The following CCDC40 variants were observed in gnomAD, a reference collection of about 807,000 sequenced individuals.
CCDC40 encodes coiled-coil domain-containing protein 40.
Under a neutral mutation model 124.5 loss-of-function variants are expected in CCDC40, and 104 were observed. The observed-to-expected ratio is 0.84, with a 90% CI of 0.71 to 0.98. CCDC40 has a LOEUF of 0.98. Among genes scored for constraint, CCDC40 ranks in the 50% least tolerant of loss-of-function variants. The pLI, the probability that CCDC40 is intolerant of heterozygous loss-of-function variation, is 0.00. For missense variants in CCDC40, 1,463 were observed against 1,503.9 expected, an observed-to-expected ratio of 0.97 and a Z score of 0.45; for synonymous variants, 580 against 602.9, an observed-to-expected ratio of 0.96 and a Z score of 0.56.
chr17:80,037,741 G>A (rs1295830646), intron 1 of CCDC40, among the ~76,000 whole-genome samples: 1 of 128,082 alleles, frequency 7.8e-6, no homozygotes, highest in Non-Finnish European at 1.7e-5. Context: ...CGTAAATCGT[G>A]GAGAAACTCA....
In CCDC40 at chr17:80,058,221, G is replaced by A. The variant is rs1252249037; in HGVS notation, c.1160-273G>A. ...CAGTGTATCCTTAGACTACCAGGAG[G>A]ATCTCTGAGACTTGGTGGGGAATGG... On this transcript the variant is annotated intron_variant, in intron 7 of 19. Coordinates refer to ENST00000397545, the MANE Select transcript of CCDC40 (RefSeq NM_017950.4). This position sits in a 1 kb window ranked among gnomAD's most constrained non-coding sequence, Gnocchi z 4.2. Among the ~76,000 whole-genome samples the A allele has an allele frequency of 2.0e-5, 3 of 152,200 alleles. No individual in the cohort carries two copies. Among genetic ancestry groups the A allele is most frequent in the African/African-American group, 7.2e-5 (3 of 41,452 alleles).
At chr17:80,060,932 G>A (rs1276047731) in intron 9 of CCDC40, among the ~76,000 whole-genome samples, 1 of 152,148 alleles carries the variant, frequency 6.6e-6, no homozygotes, top group Non-Finnish European at 1.5e-5. Flanking sequence ...AATTCCAGAT[G>A]GAATCAAGTA....
At chr17:80,044,652 C>T (rs1469081839) in intron 3 of CCDC40, among the ~76,000 whole-genome samples, 3 of 150,030 alleles carry the variant, frequency 2.0e-5, no homozygotes, top group Admixed American at 6.6e-5. Flanking sequence ...CACTGCACTC[C>T]AGCCTGGGAG....
chr17:80,048,896 T>C (rs2037502805), intron 5 of CCDC40, 135 bp downstream of exon 5: 2 of 834,326 alleles, frequency 2.4e-6, no homozygotes, highest in African/African-American at 1.7e-5. Flanking sequence ...CTGCACCGTT[T>C]ATTGGCACTG....
intron 12 of CCDC40, among the ~76,000 whole-genome samples, chr17:80,083,777 G>A (rs533828844): frequency 2.1e-4 from 32 of 152,338 alleles, no homozygotes; most frequent in Admixed American, 5.9e-4. Context: ...CAGCACTGGC[G>A]GCTCAGACCT....
chr17:80,069,269 C>T (rs1194020738), intron 10 of CCDC40, among the ~76,000 whole-genome samples: 1 of 152,024 alleles, frequency 6.6e-6, no homozygotes, highest in Non-Finnish European at 1.5e-5. Context: ...GTGGGGGGGG[C>T]GGTAACCATA....
At chr17:80,056,589 G>A (rs2037754947) in intron 7 of CCDC40, among the ~76,000 whole-genome samples, 1 of 152,160 alleles carries the variant, frequency 6.6e-6, no homozygotes, top group East Asian at 1.9e-4. Context: ...ACTCCAGCCT[G>A]GGTGACAAAG....
In CCDC40 at chr17:80,086,116, G is replaced by A. The variant is rs1278688393; in HGVS notation, c.2349G>A (p.Glu783=). Residue 783 remains glutamate (E), a synonymous_variant, in exon 14 of 20, where the codon GAG becomes GAA. Transcript: ENST00000397545. This position sits in a 1 kb window ranked among gnomAD's most constrained non-coding sequence, Gnocchi z 5.5. Reference sequence around the variant, plus strand: ...TGACCTGGCTGCGCCTGCAGCAGGAGATGGTCAAGGTGACACAGGAGCAGG... The same window carrying A: ...TGACCTGGCTGCGCCTGCAGCAGGAAATGGTCAAGGTGACACAGGAGCAGG... ...AQVTWLRLQQ[E]MVKVTQEQEE... The A allele has an allele frequency of 3.7e-6, 6 of 1,614,166 alleles. No homozygotes were observed. Among genetic ancestry groups the A allele is most frequent in the Middle Eastern group, 1.7e-4 (1 of 6,052 alleles).
intron 12 of CCDC40, among the ~76,000 whole-genome samples, chr17:80,084,189 C>T (rs2038523970): frequency 6.7e-6 from 1 of 148,730 alleles, no homozygotes; most frequent in Non-Finnish European, 1.5e-5. Context: ...GACTGGATAA[C>T]TGATAAAGGA....
At chr17:80,090,847 T>C in intron 17 of CCDC40, 3 of 1,148,842 alleles carry the variant, frequency 2.6e-6, no homozygotes. Flanking sequence ...CTGAGTTATT[T>C]TTCAGATCAA....
intron 9 of CCDC40, among the ~76,000 whole-genome samples, chr17:80,064,380 C>G (rs924210054): frequency 6.7e-6 from 1 of 149,928 alleles, no homozygotes; most frequent in Non-Finnish European, 1.5e-5. Flanking sequence ...TTGCTCAAGT[C>G]ACAGTGCTTG....
Position 80,050,149 on chromosome 17 carries a change from A to G in CCDC40, c.1025A>G (p.Gln342Arg), listed in dbSNP as rs201057426. 244 of 1,613,650 alleles carry G rather than the reference A, an allele frequency of 1.5e-4. No homozygotes were observed. The highest frequency in any genetic ancestry group is 2.0e-4 in the Non-Finnish European group (233 of 1,180,012). ...GTGCAGCAGCACCTGGTACACCTGC[A>G]GAAGCTGCTGGAGAAGAGTCACGAC... is the stretch of plus-strand genomic sequence containing the variant. ...YEVQQHLVHL[Q>R]KLLEKSHDRH... The change falls in exon 7 of 20, where the codon CAG (glutamine) becomes CGG (arginine). Residue 342 changes from glutamine (Q) to arginine (R), a missense_variant. Physicochemically the swap from Gln to Arg is conservative, Grantham distance 43. Coordinates refer to ENST00000397545, the MANE Select transcript of CCDC40 (RefSeq NM_017950.4).
intron 7 of CCDC40, among the ~76,000 whole-genome samples, chr17:80,054,979 A>T (rs541072321): frequency 1.7e-4 from 26 of 152,212 alleles, no homozygotes; most frequent in East Asian, 5.8e-4. Flanking sequence ...TGTCTCAAAA[A>T]AAAAAAATAA....
chr17:80,090,844 A>T, intron 17 of CCDC40: 1 of 1,150,034 alleles, frequency 8.7e-7, no homozygotes, highest in African/African-American at 1.6e-5. Flanking sequence ...CTGCTGAGTT[A>T]TTTTTCAGAT....
Position 80,038,173 on chromosome 17 carries a change from A to T in CCDC40, c.80A>T (p.Asn27Ile). ...SASEGEKEGN[N>I]ESHMVSPPEK... ...TCTGAGGGAGAGAAGGAAGGGAATA[A>T]TGAAAGCCACATGGTAAAATTCCCT... is the stretch of plus-strand genomic sequence containing the variant. The change falls in exon 2 of 20, where the codon AAT (asparagine) becomes ATT (isoleucine). Residue 27 changes from asparagine (N) to isoleucine (I), a missense_variant. Transcript: ENST00000397545. 6.2e-7 allele frequency: 1 copy of T among 1,606,256 alleles called. No homozygotes were observed. The highest frequency in any genetic ancestry group is 1.3e-5 in the African/African-American group (1 of 74,850).
intron 4 of CCDC40, 199 bp downstream of exon 4, chr17:80,047,601 G>C (rs1386151159): frequency 8.1e-6 from 5 of 619,918 alleles, no homozygotes; most frequent in African/African-American, 1.8e-5. Context: ...TCCTAACAGT[G>C]ACCGATGAAG....
At chr17:80,088,834 TG>T (rs764072788) in intron 16 of CCDC40, among the ~76,000 whole-genome samples, 21 of 152,300 alleles carry the variant, frequency 1.4e-4, no homozygotes, top group Admixed American at 6.5e-4. Context: ...CACCTGGGCA[TG>T]GGTCTGGAAC....
intron 18 of CCDC40, among the ~76,000 whole-genome samples, chr17:80,096,239 C>G (rs1248517245): frequency 1.3e-5 from 2 of 152,200 alleles, no homozygotes. Context: ...TGGACCATTC[C>G]TGACTGGGGC....
intron 9 of CCDC40, among the ~76,000 whole-genome samples, chr17:80,064,057 G>A (rs1039269565): frequency 6.6e-6 from 1 of 152,092 alleles, no homozygotes; most frequent in African/African-American, 2.4e-5. Context: ...TCCCTTCCTA[G>A]GCTGCCCAAT....
Sources: gnomAD v4.1 joint callset for allele counts (sites outside exome capture counted in the v4.1 genomes callset) on GRCh38, gnomAD v4.1.1 for gene constraint, Gnocchi (gnomAD v3.1) non-coding constraint, MANE v1.5 for transcripts, NCBI Gene and HGNC (gene_info 2026-07-23, HGNC 2026-07-21) for gene names.